The following BARX2 variants were observed in gnomAD, a reference collection of about 807,000 sequenced individuals.
BARX2 encodes the protein BARX homeobox 2.
In BARX2, 11 loss-of-function variants were observed where a neutral mutation model predicts 25.5. The ratio of observed to expected loss-of-function variants is 0.43; its 90% CI spans 0.27 to 0.71. BARX2 has a LOEUF of 0.71. Among genes scored for constraint, BARX2 ranks in the 30% least tolerant of loss-of-function variants. The probability of loss-of-function intolerance (pLI) is 0.19; values close to 1 mark genes in which losing one functional copy is unlikely to be tolerated. For synonymous variants in BARX2, 137 were observed against 149.5 expected (o/e 0.92, Z 0.61); for missense variants, 360 against 359.9 (o/e 1.00, Z 0.00).
At chr11:129,387,917 C>G (rs1861630905) in intron 1 of BARX2, among the ~76,000 whole-genome samples, 1 of 152,080 alleles carries the variant, frequency 6.6e-6, no homozygotes, top group African/African-American at 2.4e-5. Flanking sequence ...GCTTTTCAGG[C>G]AGGGAAAGTG....
intron 2 of BARX2, among the ~76,000 whole-genome samples, chr11:129,441,452 A>T (rs936433153): frequency 6.6e-6 from 1 of 152,010 alleles, no homozygotes; most frequent in African/African-American, 2.4e-5. Flanking sequence ...ATTTATTTTT[A>T]TTTATTTATT....
In BARX2 at chr11:129,451,158, C is replaced by A. The variant is rs757561056; in HGVS notation, c.596C>A (p.Ala199Glu). 6.2e-7 allele frequency: 1 copy of A among 1,613,990 alleles called. No homozygotes were observed. The highest frequency in any genetic ancestry group is 1.1e-5 in the South Asian group (1 of 91,070). Residue 199 changes from alanine to glutamate, a missense_variant, in exon 4 of 4, where the codon GCA (alanine) becomes GAA (glutamate). Physicochemically the swap from Ala to Glu is moderately radical, Grantham distance 107. Transcript: ENST00000281437. The stretch of plus-strand genomic sequence containing the variant: ...TAGGTTCTTAAAGGTGGACAGGAAG[C>A]ACCCACAAAACCCAAAGGTCGCCCC... ...KKMVLKGGQE[A>E]PTKPKGRPKK... is the part of the protein sequence containing the mutation.
chr11:129,431,865 G>T (rs1032590885), intron 1 of BARX2, among the ~76,000 whole-genome samples: 5 of 151,822 alleles, frequency 3.3e-5, no homozygotes, highest in African/African-American at 1.2e-4. Flanking sequence ...GTGTCACAGA[G>T]ATTTTTCTCT....
intron 3 of BARX2, among the ~76,000 whole-genome samples, chr11:129,444,195 A>G (rs550810505): frequency 6.6e-6 from 1 of 151,970 alleles, no homozygotes; most frequent in South Asian, 2.1e-4. Context: ...AGTTCTTGCT[A>G]TTCCTTGCTA....
In BARX2 at chr11:129,375,932, C is replaced by T; in HGVS notation, c.-104C>T. 1 of 662,546 alleles carries T rather than the reference C, an allele frequency of 1.5e-6. No homozygotes were observed. Among genetic ancestry groups the T allele is most frequent in the South Asian group, 6.7e-5 (1 of 15,006 alleles). 41.0% of individuals were successfully genotyped at this position (662,546 alleles called of 1,614,324 possible). A position where few individuals can be genotyped will look rare whatever the true frequency, so the allele number is the denominator to read the frequency against. On this transcript the variant is annotated 5_prime_UTR_variant, in exon 1 of 4. Coordinates refer to ENST00000281437, the MANE Select transcript of BARX2 (RefSeq NM_003658.5). This position sits in a 1 kb window ranked among gnomAD's most constrained non-coding sequence, Gnocchi z 4.0. ...CCGAGCCCCGCCGCCTCCCCAGCTG[C>T]CGGGAGCGGGGCCCAGGCCCCGCCG...
At chr11:129,443,913 C>G (rs967861047) in intron 3 of BARX2, among the ~76,000 whole-genome samples, 5 of 152,072 alleles carry the variant, frequency 3.3e-5, no homozygotes, top group Non-Finnish European at 7.4e-5. Flanking sequence ...ACCATGCCAC[C>G]TGCCATAGGC....
intron 1 of BARX2, among the ~76,000 whole-genome samples, chr11:129,432,641 A>G (rs1182041842): frequency 2.0e-5 from 3 of 152,242 alleles, no homozygotes; most frequent in African/African-American, 7.2e-5. Context: ...TAGCTTTTAG[A>G]AGAAGTTTTA....
intron 1 of BARX2, among the ~76,000 whole-genome samples, chr11:129,407,303 G>A (rs1291134041): frequency 1.3e-5 from 2 of 152,176 alleles, no homozygotes; most frequent in African/African-American, 4.8e-5. Context: ...CCTGTTTTGC[G>A]TATGATGCTA....
In BARX2 at chr11:129,451,677, G is replaced by C; in HGVS notation, c.*275G>C. On this transcript the variant is annotated 3_prime_UTR_variant, in exon 4 of 4. Coordinates refer to ENST00000281437, the MANE Select transcript of BARX2 (RefSeq NM_003658.5). ...GCCTAGGAGCTGCCTGCCCCAGCTG[G>C]GGTGACGGCTGTAGGGCTGGGTCTA... The C allele has an allele frequency of 2.2e-6, 1 of 453,068 alleles. No homozygotes were observed. The highest frequency in any genetic ancestry group is 4.0e-6 in the Non-Finnish European group (1 of 250,404). 28.1% of individuals were successfully genotyped at this position (453,068 alleles called of 1,614,324 possible).
chr11:129,413,540 C>T (rs552949135), intron 1 of BARX2, among the ~76,000 whole-genome samples: 6 of 152,126 alleles, frequency 3.9e-5, no homozygotes, highest in Admixed American at 2.0e-4. Context: ...ATTTTCTGGA[C>T]GCTGGAGAGT....
chr11:129,427,950 C>T lies in BARX2; in HGVS notation c.188-8801C>T, dbSNP rs371208405. On this transcript the variant is annotated intron_variant, in intron 1 of 3. Coordinates refer to ENST00000281437, the MANE Select transcript of BARX2 (RefSeq NM_003658.5). ...TCTCCCCAAGCTCCCAGGATGTCTC[C>T]GGCACCCACCAACCACTCATGTACT... 1.1e-4 allele frequency among the ~76,000 whole-genome samples: 16 copies of T among 152,294 alleles called. No homozygotes were observed. In the East Asian group the frequency reaches 1.5e-3, roughly 15 times the overall value.
chr11:129,451,214 A>T lies in BARX2; in HGVS notation c.652A>T (p.Ile218Phe), dbSNP rs769359240. 2 of 1,614,206 alleles carry T rather than the reference A, an allele frequency of 1.2e-6. No individual in the cohort carries two copies. The highest frequency in any genetic ancestry group is 2.2e-5 in the South Asian group (2 of 91,084). The stretch of plus-strand genomic sequence containing the variant: ...GAACTCCATCCCCACATCAGAAGAG[A>T]TTGAAGCTGAAGAGAAGATGAACAG... ...KKNSIPTSEE[I>F]EAEEKMNSQA... The change falls in exon 4 of 4, where the codon ATT (isoleucine) becomes TTT (phenylalanine). Residue 218 changes from isoleucine (I) to phenylalanine (F), a missense_variant. Transcript: ENST00000281437.
intron 1 of BARX2, among the ~76,000 whole-genome samples, chr11:129,393,460 C>G (rs1037488489): frequency 6.6e-6 from 1 of 151,026 alleles, no homozygotes; most frequent in African/African-American, 2.4e-5. Flanking sequence ...ATTTGATTTT[C>G]CTCATCTAGT....
rs189584682 is a variant in BARX2, at chr11:129,410,772, G to A, written c.188-25979G>A. On this transcript the variant is annotated intron_variant, in intron 1 of 3. Coordinates refer to ENST00000281437, the MANE Select transcript of BARX2 (RefSeq NM_003658.5). ...GGTGAAGATACATGTCTGCTTCTGG[G>A]ATTGAGAGGGTTGAGTCACAGCAGG... is the stretch of plus-strand genomic sequence containing the variant. Among the ~76,000 whole-genome samples, 315 of 152,260 alleles carry A rather than the reference G, an allele frequency of 2.1e-3. 3 individuals are homozygous for A. The highest frequency in any genetic ancestry group is 7.5e-3 in the African/African-American group (311 of 41,546).
intron 1 of BARX2, among the ~76,000 whole-genome samples, chr11:129,416,854 G>A (rs1861948845): frequency 6.7e-6 from 1 of 149,286 alleles, no homozygotes; most frequent in Non-Finnish European, 1.5e-5. Flanking sequence ...TATCGTAGGA[G>A]TACATCTATC....
intron 1 of BARX2, among the ~76,000 whole-genome samples, chr11:129,405,545 A>C (rs776977983): frequency 6.6e-6 from 1 of 152,166 alleles, no homozygotes; most frequent in Non-Finnish European, 1.5e-5. Flanking sequence ...TATTACCAGC[A>C]CTAGTATTGT....
chr11:129,430,579 A>G (rs1207593097), intron 1 of BARX2, among the ~76,000 whole-genome samples: 4 of 152,164 alleles, frequency 2.6e-5, no homozygotes, highest in Non-Finnish European at 5.9e-5. Flanking sequence ...GTAGAAGAGC[A>G]AGTTTTGACA....
At chr11:129,400,772 A>G (rs1487386523) in intron 1 of BARX2, among the ~76,000 whole-genome samples, 1 of 152,174 alleles carries the variant, frequency 6.6e-6, no homozygotes, top group Non-Finnish European at 1.5e-5. Flanking sequence ...CAGGCAAGAG[A>G]TGACCCAGGG....
chr11:129,382,713 T>G (rs1861580394), intron 1 of BARX2, among the ~76,000 whole-genome samples: 1 of 152,196 alleles, frequency 6.6e-6, no homozygotes, highest in Non-Finnish European at 1.5e-5. Flanking sequence ...AGTTCTGTTT[T>G]ACACTCCAGT....
Sources: allele counts gnomAD v4.1 joint callset (sites outside exome capture counted in the v4.1 genomes callset), GRCh38; gene constraint gnomAD v4.1.1; non-coding constraint Gnocchi (gnomAD v3.1); transcripts MANE v1.5; gene names NCBI Gene and HGNC (gene_info 2026-07-23, HGNC 2026-07-21).